Variants in DNAH10 observed in about 807,000 individuals in gnomAD.
DNAH10 encodes dynein axonemal heavy chain 10, also known as axonemal beta dynein heavy chain 10.
A neutral mutation model predicts 506.6 loss-of-function variants in DNAH10; 348 were observed. That is an observed-to-expected ratio of 0.69 (90% CI 0.63 to 0.75). The LOEUF is 0.75. Ranked by LOEUF, DNAH10 falls within the 30% of genes least tolerant of loss-of-function variation. DNAH10 has a pLI of 0.00. For missense variants in DNAH10, 5,179 were observed against 5,787.1 expected, an observed-to-expected ratio of 0.89 and a Z score of 3.41; for synonymous variants, 2,059 against 2,198.6, an observed-to-expected ratio of 0.94 and a Z score of 1.78.
At chr12:123,778,680 A>G (rs544892324) in intron 5 of DNAH10, among the ~76,000 whole-genome samples, 16 of 152,100 alleles carry the variant, frequency 1.1e-4, no homozygotes, top group Admixed American at 2.6e-4. Context: ...TGGGTGACAG[A>G]AAGAGACTCC....
chr12:123,890,037 C>T (rs1371057462), intron 52 of DNAH10, among the ~76,000 whole-genome samples: 1 of 152,328 alleles, frequency 6.6e-6, no homozygotes, highest in Admixed American at 6.5e-5. Flanking sequence ...TCCCACCATC[C>T]TTGGCTGCGT....
chr12:123,808,797 GA>G lies in DNAH10; in HGVS notation c.2990del (p.Asn997ThrfsTer8). 1 of 1,613,888 alleles carries G rather than the reference GA, an allele frequency of 6.2e-7. No homozygotes were observed. The highest frequency in any genetic ancestry group is 8.5e-7 in the Non-Finnish European group (1 of 1,179,962). On this transcript the variant is annotated frameshift_variant and splice_region_variant, in exon 19 of 79. Coordinates refer to ENST00000673944, the MANE Select transcript of DNAH10 (RefSeq NM_001372106.1). LOFTEE classifies it high-confidence loss of function. ...YEVLTKLILKNLQSFNSLILG... is the reference protein window; with the variant it reads ...YEVLTKLILKXLQSFNSLILG... ...AGTCTTTCTCATCAACCCCTCTTAG[GA>G]ACTTGCAGTCTTTTAATTCTTTGAT...
At chr12:123,835,049 G>T (rs1030056207) in intron 27 of DNAH10, among the ~76,000 whole-genome samples, 1 of 152,216 alleles carries the variant, frequency 6.6e-6, no homozygotes, top group Non-Finnish European at 1.5e-5. Context: ...GAGCGGAATT[G>T]CTGGGCACAT....
At chr12:123,839,662 A>ATTTTTTTTTTTTT (rs34822711) in intron 29 of DNAH10, among the ~76,000 whole-genome samples, 1 of 114,822 alleles carries the variant, frequency 8.7e-6, no homozygotes, top group African/African-American at 3.4e-5. Flanking sequence ...TTTCTTTTCT[A>ATTTTTTTTTTTTT]TTTTTTTTTT....
chr12:123,899,197 T>C lies in DNAH10; in HGVS notation c.9640+383T>C, dbSNP rs555981605. On this transcript the variant is annotated intron_variant, in intron 56 of 78. Transcript: ENST00000673944. ...GCGGGACTTTCTTGGTTCTTGAAGC[T>C]GTTTCAAGGTTCTTTCTTGGGCCCC... Among the ~76,000 whole-genome samples, 62 of 152,248 alleles carry C rather than the reference T, an allele frequency of 4.1e-4. 1 individual carries two copies. In the South Asian group the frequency reaches 0.012, roughly 28 times the overall value.
chr12:123,793,845 T>C, intron 11 of DNAH10, 97 bp from the exon 12 acceptor site: 18 of 1,018,344 alleles, frequency 1.8e-5, no homozygotes, highest in Non-Finnish European at 2.1e-5. Flanking sequence ...TAGAAATCTG[T>C]CCCAAACCAC....
intron 28 of DNAH10, among the ~76,000 whole-genome samples, chr12:123,837,686 C>T (rs1288381045): frequency 4.0e-5 from 6 of 150,646 alleles, no homozygotes; most frequent in East Asian, 1.9e-4. Context: ...ATATGATCCT[C>T]GCCTTGGCCT....
intron 55 of DNAH10, 103 bp downstream of exon 55, chr12:123,898,070 G>T: frequency 9.1e-7 from 1 of 1,099,080 alleles, no homozygotes. Context: ...CTTCAGTATT[G>T]AGGCCAAACG....
intron 35 of DNAH10, 39 bp downstream of exon 35, chr12:123,851,115 C>T (rs757903531): frequency 1.3e-6 from 2 of 1,534,144 alleles, no homozygotes; most frequent in East Asian, 2.3e-5. Flanking sequence ...GCAGTGCAGA[C>T]TTCACCCGGG....
rs1954483643 is a variant in DNAH10 at position 123,916,469 on chromosome 12, A to G, written c.10735A>G (p.Asn3579Asp). ...EKNNLRVASFNDPDFLKQLEM... is the reference protein window; with the variant it reads ...EKNNLRVASFDDPDFLKQLEM... ...CCTTCTCTTCCAGGTCGCTTCCTTT[A>G]ATGACCCTGACTTCCTCAAGCAGCT... Residue 3579 changes from asparagine to aspartate, a missense_variant, in exon 63 of 79, where the codon AAT becomes GAT. Physicochemically the swap from Asn to Asp is conservative, Grantham distance 23. Coordinates refer to ENST00000673944, the MANE Select transcript of DNAH10 (RefSeq NM_001372106.1). The surrounding 1 kb of genome is among the most constrained non-coding windows in gnomAD (Gnocchi z 4.6). The G allele has an allele frequency of 1.2e-6, 2 of 1,607,054 alleles. No homozygotes were observed. Among genetic ancestry groups the G allele is most frequent in the Admixed American group, 1.7e-5 (1 of 58,992 alleles).
chr12:123,794,106 T>C lies in DNAH10; in HGVS notation c.1980T>C (p.Cys660=). ...TTAATGATATTCTTGCACAGTACTG[T>C]AAAGAGGTAATTGAAAAATCGATAG... ...MKFNDILAQY[C]KEIDIINKIF... Residue 660 remains cysteine, a synonymous_variant, in exon 12 of 79, where the codon TGT becomes TGC. Transcript: ENST00000673944. The C allele has an allele frequency of 3.3e-6, 4 of 1,195,196 alleles. No individual in the cohort carries two copies. The highest frequency in any genetic ancestry group is 4.3e-6 in the Non-Finnish European group (4 of 938,402). The allele number at this position is 1,195,196 out of a possible 1,614,324, so 74.0% of individuals were successfully genotyped here.
rs1953948607 is a variant in DNAH10, at chr12:123,909,147, G to T, written c.9816-114G>T. 4.4e-6 allele frequency: 6 copies of T among 1,375,188 alleles called. No homozygotes were observed. In the South Asian group the frequency reaches 6.8e-5, roughly 15 times the overall value. The allele number at this position is 1,375,188 out of a possible 1,614,324, so 85.2% of individuals were successfully genotyped here. On this transcript the variant is annotated intron_variant, in intron 57 of 78. Coordinates refer to ENST00000673944, the MANE Select transcript of DNAH10 (RefSeq NM_001372106.1). This position sits in a 1 kb window ranked among gnomAD's most constrained non-coding sequence, Gnocchi z 5.4. ...ACCTGGCTTCTTTCGTTTGCTTGCA[G>T]CAGTAGCTCCAGGGACTGTCTTTTG...
chr12:123,863,589 A>G (rs1183419706), intron 39 of DNAH10, among the ~76,000 whole-genome samples: 2 of 152,230 alleles, frequency 1.3e-5, no homozygotes, highest in African/African-American at 2.4e-5. Flanking sequence ...TTGTGACCAC[A>G]TCATTTCAAA....
At chr12:123,844,743 A>G (rs1950889192) in intron 30 of DNAH10, among the ~76,000 whole-genome samples, 1 of 152,102 alleles carries the variant, frequency 6.6e-6, no homozygotes, top group Admixed American at 6.5e-5. Context: ...GGTTCAAGCA[A>G]TCCTCCCACC....
intron 30 of DNAH10, among the ~76,000 whole-genome samples, chr12:123,845,167 T>A (rs1398296765): frequency 6.6e-6 from 1 of 152,068 alleles, no homozygotes; most frequent in Non-Finnish European, 1.5e-5. Context: ...GGCTAGTTTT[T>A]AATTTATTTT....
intron 50 of DNAH10, 26 bp downstream of exon 50, chr12:123,879,827 T>C: frequency 6.2e-7 from 1 of 1,606,034 alleles, no homozygotes; most frequent in Non-Finnish European, 8.5e-7. Flanking sequence ...ACCCTGTCCA[T>C]GGGCTCACTT....
At chr12:123,804,575 G>A (rs1201839360) in intron 17 of DNAH10, among the ~76,000 whole-genome samples, 1 of 151,444 alleles carries the variant, frequency 6.6e-6, no homozygotes, top group East Asian at 1.9e-4. Context: ...TAGTCAACAA[G>A]GAATTCAAGA....
At position 123,934,928 on chromosome 12, in the gene DNAH10, G is replaced by A. The variant is rs1955419497; in HGVS notation, c.13623+162G>A. On this transcript the variant is annotated intron_variant, in intron 78 of 78. Transcript: ENST00000673944. The stretch of plus-strand genomic sequence containing the variant: ...GCCGTGATAAAAGCTACGGATAGCT[G>A]CTTCCTGGAAAAGGCGCGGCTGTAT... 3 of 970,870 alleles carry A rather than the reference G, an allele frequency of 3.1e-6. No individual in the cohort carries two copies. The South Asian group carries it at 5.2e-5, about 17-fold the overall frequency. The allele number at this position is 970,870 out of a possible 1,614,324, so 60.1% of individuals were successfully genotyped here.
chr12:123,818,382 G>A (rs1045155257), intron 21 of DNAH10, among the ~76,000 whole-genome samples: 5 of 152,048 alleles, frequency 3.3e-5, no homozygotes, highest in African/African-American at 1.2e-4. Flanking sequence ...GGAGTGCAGT[G>A]GTGTGATCTC....
Sources: allele counts gnomAD v4.1 joint callset (sites outside exome capture counted in the v4.1 genomes callset), GRCh38; gene constraint gnomAD v4.1.1; non-coding constraint Gnocchi (gnomAD v3.1); transcripts MANE v1.5; gene names NCBI Gene and HGNC (gene_info 2026-07-23, HGNC 2026-07-21).